Variants in TENM4 observed in about 807,000 individuals in gnomAD.
TENM4 encodes teneurin-4.
TENM4 carries 82 observed loss-of-function variants against 243.3 expected under a neutral mutation model. The observed-to-expected ratio is 0.34, with a 90% CI of 0.28 to 0.40. The LOEUF is 0.40. Among genes scored for constraint, TENM4 ranks in the 10% least tolerant of loss-of-function variants. The pLI, the probability that TENM4 is intolerant of heterozygous loss-of-function variation, is 1.00. For synonymous variants in TENM4, 1,412 were observed against 1,456.3 expected (o/e 0.97, Z 0.69); for missense variants, 3,138 against 3,673.3 (o/e 0.85, Z 3.77).
intron 6 of TENM4, among the ~76,000 whole-genome samples, chr11:78,909,324 A>G (rs1014854352): frequency 6.6e-6 from 1 of 152,198 alleles, no homozygotes; most frequent in Non-Finnish European, 1.5e-5. Context: ...AAGTACTTTG[A>G]TTATTTAATC....
intron 12 of TENM4, among the ~76,000 whole-genome samples, chr11:78,849,070 T>A (rs930612253): frequency 6.6e-6 from 1 of 152,176 alleles, no homozygotes; most frequent in Non-Finnish European, 1.5e-5. Context: ...GCAGGGCACC[T>A]CTGTTATGCT....
intron 28 of TENM4, among the ~76,000 whole-genome samples, chr11:78,695,689 T>C (rs1367330768): frequency 6.6e-6 from 1 of 150,868 alleles, no homozygotes; most frequent in Non-Finnish European, 1.5e-5. Flanking sequence ...TTTTTTTTTC[T>C]TTCAGCACTT....
chr11:79,017,475 G>A lies in TENM4; in HGVS notation c.493+47263C>T, dbSNP rs543055334. ...TGCAACCTCTGAATTTTAAAAAAGG[G>A]AAAAAGGCAAAAATATAGACTTCTA... On this transcript the variant is annotated intron_variant, in intron 6 of 33. Transcript: ENST00000278550. 1.8e-4 allele frequency among the ~76,000 whole-genome samples: 27 copies of A among 152,042 alleles called. 1 individual carries two copies. The South Asian group carries it at 3.7e-3, about 21-fold the overall frequency.
At chr11:79,339,761 TGGAGGAGAAAAG>T (rs1373735437) in intron 1 of TENM4, among the ~76,000 whole-genome samples, 1 of 150,446 alleles carries the variant, frequency 6.6e-6, no homozygotes, top group Non-Finnish European at 1.5e-5. Context: ...AAGAGAAAGA[TGGAGGAGAAAAG>T]GGAGGAGAGG....
chr11:79,155,389 G>C (rs1248226274), intron 3 of TENM4, among the ~76,000 whole-genome samples: 1 of 149,504 alleles, frequency 6.7e-6, no homozygotes, highest in Non-Finnish European at 1.5e-5. Flanking sequence ...TAAATGGTTA[G>C]CCATTATGAT....
chr11:79,049,462 G>T (rs4573697), intron 6 of TENM4, among the ~76,000 whole-genome samples: 1 of 152,330 alleles, frequency 6.6e-6, no homozygotes, highest in East Asian at 1.9e-4. Context: ...TGCTAGGGCC[G>T]CTCACTAATC....
intron 6 of TENM4, among the ~76,000 whole-genome samples, chr11:79,020,141 T>C (rs1258302586): frequency 6.6e-6 from 1 of 152,178 alleles, no homozygotes; most frequent in East Asian, 1.9e-4. Context: ...AAAACAAAGC[T>C]TCTTGTCTTC....
intron 6 of TENM4, among the ~76,000 whole-genome samples, chr11:79,018,469 T>C (rs1253883131): frequency 6.6e-6 from 1 of 150,974 alleles, no homozygotes; most frequent in Non-Finnish European, 1.5e-5. Context: ...CACACACACA[T>C]CCCCCCACAC....
At chr11:79,367,089 A>G (rs371847250) in intron 1 of TENM4, among the ~76,000 whole-genome samples, 92 of 152,360 alleles carry the variant, frequency 6.0e-4, no homozygotes, top group East Asian at 5.8e-3. Flanking sequence ...TCACATCCTC[A>G]TTCTTATACA....
At chr11:78,873,750 G>A (rs1859195164) in intron 9 of TENM4, among the ~76,000 whole-genome samples, 1 of 152,166 alleles carries the variant, frequency 6.6e-6, no homozygotes. Flanking sequence ...CAGAAAGGAT[G>A]TTAAAAGAGC....
At chr11:79,275,265 G>T (rs1856036431) in intron 2 of TENM4, among the ~76,000 whole-genome samples, 1 of 151,958 alleles carries the variant, frequency 6.6e-6, no homozygotes, top group Non-Finnish European at 1.5e-5. Context: ...GCGCATGCGG[G>T]CATGTGTTTG....
At chr11:78,986,359 C>T (rs143546474) in intron 6 of TENM4, among the ~76,000 whole-genome samples, 2,035 of 152,172 alleles carry the variant, frequency 0.013, 56 homozygotes, top group African/African-American at 0.046. Flanking sequence ...AAATCTTTTC[C>T]CCTTCTGTGG....
chr11:79,057,481 T>C (rs1243104837), intron 6 of TENM4, among the ~76,000 whole-genome samples: 4 of 152,150 alleles, frequency 2.6e-5, no homozygotes, highest in Non-Finnish European at 5.9e-5. Context: ...TGTGAAGCCT[T>C]CTCTGGCTAC....
At chr11:78,801,539 A>G (rs1857282933) in intron 15 of TENM4, among the ~76,000 whole-genome samples, 1 of 152,172 alleles carries the variant, frequency 6.6e-6, no homozygotes, top group African/African-American at 2.4e-5. Context: ...CTGTTTCCAC[A>G]AACCTAACCA....
intron 22 of TENM4, among the ~76,000 whole-genome samples, chr11:78,728,132 C>T (rs564783070): frequency 5.9e-5 from 9 of 152,146 alleles, no homozygotes; most frequent in Admixed American, 2.6e-4. Flanking sequence ...TTAAAAAAGA[C>T]GACAGAAGTG....
chr11:78,916,422 T>C (rs944687729), intron 6 of TENM4, among the ~76,000 whole-genome samples: 5 of 152,222 alleles, frequency 3.3e-5, no homozygotes, highest in African/African-American at 1.2e-4. Context: ...GAAATCTTAT[T>C]TGCTTTTCCA....
chr11:79,215,476 T>A (rs1241174058), intron 3 of TENM4, among the ~76,000 whole-genome samples: 1 of 152,172 alleles, frequency 6.6e-6, no homozygotes, highest in African/African-American at 2.4e-5. Flanking sequence ...CATTGCTGCC[T>A]CTCTGGTCCT....
chr11:79,342,742 A>T (rs1400358738), intron 1 of TENM4, among the ~76,000 whole-genome samples: 1 of 152,098 alleles, frequency 6.6e-6, no homozygotes, highest in Admixed American at 6.5e-5. Context: ...AGTCCAGGTG[A>T]GGCTGAGAAA....
chr11:79,081,864 A>C (rs1860684262), intron 4 of TENM4, among the ~76,000 whole-genome samples: 1 of 152,030 alleles, frequency 6.6e-6, no homozygotes, highest in African/African-American at 2.4e-5. Flanking sequence ...ACTCGTGATG[A>C]CTGAAGCCCA....
Sources: allele counts gnomAD v4.1 joint callset (sites outside exome capture counted in the v4.1 genomes callset), GRCh38; gene constraint gnomAD v4.1.1; transcripts MANE v1.5; gene names NCBI Gene and HGNC (gene_info 2026-07-23, HGNC 2026-07-21).